The following MTREX variants were observed in gnomAD, a reference collection of about 807,000 sequenced individuals.
MTREX encodes the protein exosome RNA helicase MTR4.
In MTREX, 76 loss-of-function variants were observed where a neutral mutation model predicts 135.4. That is an observed-to-expected ratio of 0.56 (90% CI 0.47 to 0.68). The LOEUF (loss-of-function observed/expected upper bound fraction) is 0.68, where lower values mean the gene tolerates loss of function less well. Among genes scored for constraint, MTREX ranks in the 30% least tolerant of loss-of-function variants. The probability of loss-of-function intolerance (pLI) is 0.00; values close to 1 mark genes in which losing one functional copy is unlikely to be tolerated. For synonymous variants in MTREX, 404 were observed against 401.6 expected (o/e 1.01, Z -0.07); for missense variants, 920 against 1,262.1 (o/e 0.73, Z 4.11).
Position 55,327,717 on chromosome 5 carries a change from T to C in MTREX, c.341T>C (p.Val114Ala), listed in dbSNP as rs1749405932. The C allele has an allele frequency of 1.2e-6, 2 of 1,612,644 alleles. No individual in the cohort carries two copies. The highest frequency in any genetic ancestry group is 2.7e-5 in the African/African-American group (2 of 74,986). Residue 114 changes from valine (V) to alanine (A), a missense_variant and splice_region_variant, in exon 4 of 27, where the codon GTT (valine) becomes GCT (alanine). Around this residue, in one of 6 missense-constraint regions of MTREX, gnomAD observed 82 missense variants for 107.4 expected, o/e 0.76. Coordinates refer to ENST00000230640, the MANE Select transcript of MTREX (RefSeq NM_015360.5). ...TTTTCTTTTTTACTTTGTTGTCAGGTTGCACTTCCTGCAGAAGAGGATTAT... is the reference window on the plus strand; with the variant it reads ...TTTTCTTTTTTACTTTGTTGTCAGGCTGCACTTCCTGCAGAAGAGGATTAT... ...VETVEGCTHE[V>A]ALPAEEDYLP...
chr5:55,327,860 A>C (rs139574301), intron 4 of MTREX, 82 bp downstream of exon 4: 1 of 1,072,804 alleles, frequency 9.3e-7, no homozygotes, highest in Non-Finnish European at 1.4e-6. Flanking sequence ...TGAGATTTTT[A>C]TATTTCCCAC....
At chr5:55,358,737 C>T (rs1171508932) in intron 15 of MTREX, 39 bp downstream of exon 15, 2 of 1,522,414 alleles carry the variant, frequency 1.3e-6, no homozygotes, top group South Asian at 2.6e-5. Context: ...CCAAGAATTC[C>T]AGAAATATAC....
chr5:55,318,224 A>G (rs1312200459), intron 1 of MTREX, among the ~76,000 whole-genome samples: 1 of 152,214 alleles, frequency 6.6e-6, no homozygotes, highest in Non-Finnish European at 1.5e-5. Flanking sequence ...TTCATCAAAG[A>G]GCTAAAAACA....
intron 18 of MTREX, among the ~76,000 whole-genome samples, chr5:55,382,015 A>T (rs1171813118): frequency 2.6e-5 from 4 of 151,778 alleles, no homozygotes. Context: ...CCCATTTTTA[A>T]ATTTTCAGTC....
At chr5:55,331,260 A>G (rs934569605) in intron 5 of MTREX, among the ~76,000 whole-genome samples, 8 of 152,318 alleles carry the variant, frequency 5.3e-5, no homozygotes, top group African/African-American at 1.4e-4. Flanking sequence ...GCATGCCAAA[A>G]CATTGTGAAT....
rs111634615 is a variant in MTREX at position 55,422,254 on chromosome 5, TCAAA to T, written c.2972-621_2972-618del. Among the ~76,000 whole-genome samples, 1,506 of 152,314 alleles carry T rather than the reference TCAAA, an allele frequency of 9.9e-3. 20 individuals are homozygous for T. The highest frequency in any genetic ancestry group is 0.035 in the African/African-American group (1,444 of 41,570). On this transcript the variant is annotated intron_variant, in intron 25 of 26. Coordinates refer to ENST00000230640, the MANE Select transcript of MTREX (RefSeq NM_015360.5). ...TTCAGCTTTGATACAAACACTTTTC[TCAAA>T]CAGATTCTAGACCCATGGGAAAAGG... is the stretch of plus-strand genomic sequence containing the variant.
At chr5:55,310,281 C>T (rs1749089563) in intron 1 of MTREX, among the ~76,000 whole-genome samples, 1 of 152,190 alleles carries the variant, frequency 6.6e-6, no homozygotes, top group Non-Finnish European at 1.5e-5. Context: ...TTGTTTACTA[C>T]CAACACTTCT....
At chr5:55,407,581 A>T (rs1040534833) in intron 22 of MTREX, among the ~76,000 whole-genome samples, 6 of 152,158 alleles carry the variant, frequency 3.9e-5, no homozygotes, top group African/African-American at 1.4e-4. Flanking sequence ...AATTTGCAAA[A>T]ACTGGGGCAT....
chr5:55,340,065 A>G lies in MTREX; in HGVS notation c.571A>G (p.Ile191Val). 7.5e-6 allele frequency: 12 copies of G among 1,599,878 alleles called. No individual in the cohort carries two copies. Among genetic ancestry groups the G allele is most frequent in the Non-Finnish European group, 1.0e-5 (12 of 1,173,436 alleles). ...GCAGCGTGTAATATTTACCAGCCCA[A>G]TTAAGGCTCTGAGTAACCAAAAATA... Reference protein sequence around the residue: ...EKQRVIFTSPIKALSNQKYRE... With the variant: ...EKQRVIFTSPVKALSNQKYRE... Residue 191 changes from isoleucine (I) to valine (V), a missense_variant, in exon 6 of 27, where the codon ATT (isoleucine) becomes GTT (valine). By Grantham distance (29) the Ile-to-Val change is conservative (BLOSUM62 3). Transcript: ENST00000230640.
intron 19 of MTREX, among the ~76,000 whole-genome samples, chr5:55,390,774 A>G (rs574159762): frequency 6.6e-6 from 1 of 152,334 alleles, no homozygotes; most frequent in East Asian, 1.9e-4. Flanking sequence ...GGAATAGAAG[A>G]TTACAGATTA....
intron 3 of MTREX, among the ~76,000 whole-genome samples, chr5:55,325,098 C>T (rs1191149285): frequency 6.6e-6 from 1 of 152,056 alleles, no homozygotes; most frequent in Non-Finnish European, 1.5e-5. Flanking sequence ...ATTTCCTTCT[C>T]AAAATTTTTT....
At chr5:55,378,635 A>G (rs1437551263) in intron 17 of MTREX, 149 bp downstream of exon 17, 1 of 990,818 alleles carries the variant, frequency 1.0e-6, no homozygotes, top group Non-Finnish European at 1.4e-6. Flanking sequence ...CCTGTTTCAC[A>G]TGGCACTAAC....
intron 1 of MTREX, among the ~76,000 whole-genome samples, chr5:55,316,533 C>A (rs184775308): frequency 1.3e-5 from 2 of 152,102 alleles, no homozygotes; most frequent in African/African-American, 4.8e-5. Context: ...AGACAAAAAA[C>A]CACATGATTA....
chr5:55,358,321 G>T (rs554156382), intron 14 of MTREX, among the ~76,000 whole-genome samples: 1 of 152,038 alleles, frequency 6.6e-6, no homozygotes, highest in Non-Finnish European at 1.5e-5. Flanking sequence ...ATAAATTTTC[G>T]ATCCAAAATG....
chr5:55,317,493 G>C (rs550881844), intron 1 of MTREX, among the ~76,000 whole-genome samples: 1 of 152,282 alleles, frequency 6.6e-6, no homozygotes, highest in African/African-American at 2.4e-5. Context: ...ACAACCATCT[G>C]ATCTTTGACA....
At chr5:55,322,918 TC>T (rs1338712417) in intron 2 of MTREX, among the ~76,000 whole-genome samples, 1 of 152,186 alleles carries the variant, frequency 6.6e-6, no homozygotes, top group African/African-American at 2.4e-5. Context: ...GTGGCTGGAA[TC>T]GCTGGTATTT....
Position 55,379,177 on chromosome 5 carries a change from A to T in MTREX, c.2034A>T (p.Ser678=). The T allele has an allele frequency of 6.3e-7, 1 of 1,597,222 alleles. No individual in the cohort carries two copies. The highest frequency in any genetic ancestry group is 1.1e-5 in the South Asian group (1 of 90,666). ...GCTGGGGAGTAGTGGTGAATTTCTC[A>T]AAAAAGTCAAATGTTAAGGTAAACT... The part of the protein sequence containing the change: ...DFGWGVVVNF[S]KKSNVKPNSG... The change falls in exon 18 of 27, where the codon TCA becomes TCT. Residue 678 remains serine (S), a synonymous_variant. Coordinates refer to ENST00000230640, the MANE Select transcript of MTREX (RefSeq NM_015360.5).
At chr5:55,405,704 G>T in intron 22 of MTREX, 116 bp downstream of exon 22, 1 of 756,188 alleles carries the variant, frequency 1.3e-6, no homozygotes, top group Non-Finnish European at 2.1e-6. Flanking sequence ...GTGCACTGGC[G>T]CAATCTCAGC....
At chr5:55,419,577 A>G (rs575200921) in intron 25 of MTREX, among the ~76,000 whole-genome samples, 5 of 152,304 alleles carry the variant, frequency 3.3e-5, no homozygotes, top group Admixed American at 6.5e-5. Context: ...TAAACAAACT[A>G]TTTGTATGGG....
Sources: gnomAD v4.1 joint callset for allele counts (sites outside exome capture counted in the v4.1 genomes callset) on GRCh38, gnomAD v4.1.1 for gene constraint, gnomAD v4.1.1 regional missense constraint, MANE v1.5 for transcripts, NCBI Gene and HGNC (gene_info 2026-07-23, HGNC 2026-07-21) for gene names.